Variants in TENM3 observed in about 807,000 individuals in gnomAD.
TENM3 encodes teneurin transmembrane protein 3.
A neutral mutation model predicts 255.1 loss-of-function variants in TENM3; 63 were observed. The observed-to-expected ratio is 0.25, with a 90% CI of 0.20 to 0.30. The LOEUF (loss-of-function observed/expected upper bound fraction) is 0.30. Ranked by LOEUF, TENM3 falls within the 10% of genes least tolerant of loss-of-function variation. TENM3 has a pLI of 1.00. For missense variants in TENM3, 2,929 were observed against 3,461.1 expected, an observed-to-expected ratio of 0.85 and a Z score of 3.86; for synonymous variants, 1,306 against 1,322.3, an observed-to-expected ratio of 0.99 and a Z score of 0.27.
chr4:181,885,155 G>T, the TENM3 span, among the ~76,000 whole-genome samples: 1 of 152,124 alleles, frequency 6.6e-6, no homozygotes, highest in African/African-American at 2.4e-5. Flanking sequence ...GTTCTGAGCA[G>T]CTACTTACTT....
chr4:182,621,167 C>T (rs1053734266), intron 4 of TENM3, among the ~76,000 whole-genome samples: 28 of 144,118 alleles, frequency 1.9e-4, no homozygotes, highest in Middle Eastern at 3.6e-3. Flanking sequence ...GACAACAGAG[C>T]GAGACTCCGT....
chr4:181,554,617 T>A, the TENM3 span, among the ~76,000 whole-genome samples: 2 of 152,214 alleles, frequency 1.3e-5, no homozygotes, highest in Admixed American at 6.5e-5. Flanking sequence ...AATGTCTACA[T>A]CCCATTTCAC....
intron 1 of TENM3, among the ~76,000 whole-genome samples, chr4:182,159,836 C>A (rs1288966101): frequency 6.6e-6 from 1 of 152,062 alleles, no homozygotes; most frequent in East Asian, 1.9e-4. Flanking sequence ...CTTCAGAGGG[C>A]AATGTGTGTG....
At chr4:182,059,138 C>T in the TENM3 span, among the ~76,000 whole-genome samples, 82 of 152,128 alleles carry the variant, frequency 5.4e-4, no homozygotes, top group Non-Finnish European at 9.0e-4. Context: ...TGGCAAAGGA[C>T]GAAAACTGAG....
chr4:181,630,882 A>G, the TENM3 span, among the ~76,000 whole-genome samples: 11 of 151,950 alleles, frequency 7.2e-5, no homozygotes. Flanking sequence ...TTTTTTATTG[A>G]TGGGGTGCCA....
chr4:181,734,374 T>G, the TENM3 span, among the ~76,000 whole-genome samples: 1 of 151,998 alleles, frequency 6.6e-6, no homozygotes. Context: ...TCAATAAAAA[T>G]TAATTGAATA....
the TENM3 span, among the ~76,000 whole-genome samples, chr4:182,130,725 A>G: frequency 6.6e-6 from 1 of 151,656 alleles, no homozygotes; most frequent in Non-Finnish European, 1.5e-5. Flanking sequence ...GACAGTTGGT[A>G]TTAGATAAAT....
chr4:181,586,851 AAAACAAACAAAC>A, the TENM3 span, among the ~76,000 whole-genome samples: 806 of 151,916 alleles, frequency 5.3e-3, 7 homozygotes, highest in African/African-American at 0.018. Flanking sequence ...AAAACAAAAC[AAAACAAACAAAC>A]AAACAAACAA....
At chr4:181,531,363 C>T in the TENM3 span, among the ~76,000 whole-genome samples, 3 of 152,192 alleles carry the variant, frequency 2.0e-5, no homozygotes, top group African/African-American at 7.2e-5. Flanking sequence ...CAATTCTTGG[C>T]TTAGCTTTGG....
chr4:182,736,708 TCA>T (rs1761198408), intron 16 of TENM3, 98 bp from the exon 17 acceptor site: 4 of 1,113,492 alleles, frequency 3.6e-6, no homozygotes, highest in Non-Finnish European at 5.0e-6. Flanking sequence ...ACACAGAGAG[TCA>T]CTATTCACAA....
Position 182,282,521 on chromosome 4 carries a change from C to A in TENM3, c.-76+39045C>A, listed in dbSNP as rs576858994. 4.6e-5 allele frequency among the ~76,000 whole-genome samples: 7 copies of A among 152,146 alleles called. No homozygotes were observed. The South Asian group carries it at 8.3e-4, about 18-fold the overall frequency. ...TGTCATCGGTAAGTGAAAGTAAGTGCGGAGTACCAATGTGCCTTTGCTTGT... is the reference window on the plus strand; with the variant it reads ...TGTCATCGGTAAGTGAAAGTAAGTGAGGAGTACCAATGTGCCTTTGCTTGT... On this transcript the variant is annotated intron_variant, in intron 1 of 27. Transcript: ENST00000511685.
At chr4:182,495,736 G>C (rs1423766487) in intron 3 of TENM3, among the ~76,000 whole-genome samples, 1 of 152,154 alleles carries the variant, frequency 6.6e-6, no homozygotes, top group Non-Finnish European at 1.5e-5. Flanking sequence ...TTGCTGAAAT[G>C]CTTCAAGTTC....
intron 1 of TENM3, among the ~76,000 whole-genome samples, chr4:182,275,903 T>G (rs1759965682): frequency 6.6e-6 from 1 of 152,204 alleles, no homozygotes; most frequent in African/African-American, 2.4e-5. Context: ...ATCATGCCAC[T>G]GCACTCCAGC....
chr4:182,431,140 T>C (rs1771610704), intron 3 of TENM3, among the ~76,000 whole-genome samples: 1 of 151,966 alleles, frequency 6.6e-6, no homozygotes, highest in African/African-American at 2.4e-5. Context: ...TAGGATGCTA[T>C]TACAAAGAAC....
chr4:181,460,296 G>A, the TENM3 span, among the ~76,000 whole-genome samples: 1 of 151,878 alleles, frequency 6.6e-6, no homozygotes, highest in Non-Finnish European at 1.5e-5. Context: ...ACGTGCTAGG[G>A]TTAAAATATG....
intron 3 of TENM3, among the ~76,000 whole-genome samples, chr4:182,478,016 A>G (rs1156362987): frequency 1.3e-5 from 2 of 152,176 alleles, no homozygotes; most frequent in Non-Finnish European, 2.9e-5. Context: ...AATTTTACAC[A>G]TAGTGAGAAC....
the TENM3 span, among the ~76,000 whole-genome samples, chr4:182,064,317 G>C: frequency 6.6e-6 from 1 of 152,094 alleles, no homozygotes; most frequent in Non-Finnish European, 1.5e-5. Flanking sequence ...GGTGGCTCAC[G>C]CCTGTAATCC....
At chr4:181,798,970 G>A in the TENM3 span, among the ~76,000 whole-genome samples, 1 of 152,212 alleles carries the variant, frequency 6.6e-6, no homozygotes, top group African/African-American at 2.4e-5. Context: ...ATAAAGAAAT[G>A]TCAGCCTGAC....
At chr4:182,252,554 A>T (rs1273667135) in intron 1 of TENM3, among the ~76,000 whole-genome samples, 1 of 152,236 alleles carries the variant, frequency 6.6e-6, no homozygotes, top group Non-Finnish European at 1.5e-5. Flanking sequence ...TTTTCCACTC[A>T]GACTTTCTTC....
Sources: gnomAD v4.1 joint callset for allele counts (sites outside exome capture counted in the v4.1 genomes callset) on GRCh38, gnomAD v4.1.1 for gene constraint, MANE v1.5 for transcripts, NCBI Gene and HGNC (gene_info 2026-07-23, HGNC 2026-07-21) for gene names.